BSN: variants seen among roughly 807,000 people sequenced by gnomAD.
BSN encodes protein bassoon.
In BSN, 57 loss-of-function variants were observed where a neutral mutation model predicts 264.8. That is an observed-to-expected ratio of 0.22 (90% CI 0.17 to 0.27). The LOEUF is 0.27. Ranked by LOEUF, BSN falls within the 10% of genes least tolerant of loss-of-function variation. BSN has a pLI of 1.00. For missense variants in BSN, 4,615 were observed against 5,232.5 expected (o/e 0.88, Z 3.64); for synonymous variants, 2,059 against 2,137.3 (o/e 0.96, Z 1.01).
rs1202449399 is a variant in BSN at position 49,669,698 on chromosome 3, T to C, written c.*2213T>C. The C allele has an allele frequency of 6.6e-6, 1 of 152,230 alleles. No homozygotes were observed. The highest frequency in any genetic ancestry group is 2.4e-5 in the African/African-American group (1 of 41,452). 9.4% of individuals were successfully genotyped at this position (152,230 alleles called of 1,614,324 possible). ...CCTTTGGCACTTGTGGTGAGAACAG[T>C]TGACAGTGGTCATCTGGAACTGTTC... On this transcript the variant is annotated 3_prime_UTR_variant, in exon 12 of 12. Transcript: ENST00000296452.
chr3:49,583,755 T>A (rs1166173381), intron 1 of BSN, among the ~76,000 whole-genome samples: 1 of 152,208 alleles, frequency 6.6e-6, no homozygotes, highest in African/African-American at 2.4e-5. Context: ...TCTATTCCGA[T>A]TTTTCATTTC....
intron 1 of BSN, among the ~76,000 whole-genome samples, chr3:49,569,830 C>G (rs1387637898): frequency 2.6e-5 from 4 of 152,138 alleles, no homozygotes; most frequent in Non-Finnish European, 5.9e-5. Flanking sequence ...CACTCCTGTT[C>G]AGTAAACTTC....
intron 1 of BSN, among the ~76,000 whole-genome samples, chr3:49,600,395 G>C (rs567644168): frequency 3.3e-4 from 51 of 152,282 alleles, no homozygotes; most frequent in African/African-American, 1.2e-3. Context: ...AGGGATTTCC[G>C]TACATGAGGT....
chr3:49,591,625 TCTCA>T (rs2051978417), intron 1 of BSN, among the ~76,000 whole-genome samples: 1 of 152,096 alleles, frequency 6.6e-6, no homozygotes, highest in Non-Finnish European at 1.5e-5. Context: ...TGAGGCAGGG[TCTCA>T]CTCTGTCACC....
intron 1 of BSN, among the ~76,000 whole-genome samples, chr3:49,576,483 C>T (rs1168947205): frequency 8.6e-5 from 13 of 150,964 alleles, no homozygotes; most frequent in Non-Finnish European, 1.6e-4. Flanking sequence ...TGCAGTGGCA[C>T]GATCTCAGCT....
At position 49,604,300 on chromosome 3, in the gene BSN, C is replaced by A. The variant is rs114480304; in HGVS notation, c.225-20675C>A. Among the ~76,000 whole-genome samples, 1,187 of 152,196 alleles carry A rather than the reference C, an allele frequency of 7.8e-3. 18 individuals carry two copies. The highest frequency in any genetic ancestry group is 0.026 in the African/African-American group (1,086 of 41,520). Reference sequence around the variant, plus strand: ...TACATTCACATTGTTGTTTAGCCATCACCACCATCCATCTCCAGAACTTTT... The same window carrying A: ...TACATTCACATTGTTGTTTAGCCATAACCACCATCCATCTCCAGAACTTTT... On this transcript the variant is annotated intron_variant, in intron 1 of 11. Transcript: ENST00000296452.
chr3:49,554,924 G>A, intron 1 of BSN, 98 bp downstream of exon 1: 3 of 730,114 alleles, frequency 4.1e-6, no homozygotes, highest in Non-Finnish European at 5.4e-6. Flanking sequence ...AGCGAGGTTC[G>A]ACGTCCGGCC....
At chr3:49,632,423 T>C (rs2052389549) in intron 2 of BSN, among the ~76,000 whole-genome samples, 1 of 152,234 alleles carries the variant, frequency 6.6e-6, no homozygotes, top group African/African-American at 2.4e-5. Flanking sequence ...TTGCTAATTA[T>C]ATATTTGATA....
intron 1 of BSN, among the ~76,000 whole-genome samples, chr3:49,621,615 G>A (rs568016483): frequency 6.6e-6 from 1 of 152,300 alleles, no homozygotes; most frequent in East Asian, 1.9e-4. Flanking sequence ...CCTACTGACT[G>A]TGACCTGAGT....
At chr3:49,619,110 TG>T (rs2052283222) in intron 1 of BSN, among the ~76,000 whole-genome samples, 1 of 152,168 alleles carries the variant, frequency 6.6e-6, no homozygotes, top group Admixed American at 6.5e-5. Context: ...AATGAATGAA[TG>T]AATAAATATC....
rs1190719948 is a variant in BSN at position 49,651,326 on chromosome 3, T to C, written c.1987-217T>C. The C allele has an allele frequency of 1.6e-6, 1 of 637,010 alleles. No individual in the cohort carries two copies. Among genetic ancestry groups the C allele is most frequent in the Non-Finnish European group, 2.6e-6 (1 of 383,314 alleles). The allele number at this position is 637,010 out of a possible 1,614,324, so 39.5% of individuals were successfully genotyped here. A position where few individuals can be genotyped will look rare whatever the true frequency, so the allele number is the denominator to read the frequency against. ...TGCTGGGTTTTGATACCCTTTGATC[T>C]AGTAAAGTTTCTCTTTGAAGACCAA... On this transcript the variant is annotated intron_variant, in intron 4 of 11. Coordinates refer to ENST00000296452, the MANE Select transcript of BSN (RefSeq NM_003458.4). This position sits in a 1 kb window ranked among gnomAD's most constrained non-coding sequence, Gnocchi z 5.4.
At chr3:49,555,249 G>A (rs914385630) in intron 1 of BSN, among the ~76,000 whole-genome samples, 4 of 152,220 alleles carry the variant, frequency 2.6e-5, no homozygotes, top group African/African-American at 9.6e-5. Context: ...GGGAGTGGCT[G>A]TCAGGGAAGA....
Position 49,670,160 on chromosome 3 carries a change from A to G in BSN, c.*2675A>G, listed in dbSNP as rs2052744862. ...CCATGGAATACCTGCCTCATCCCAA[A>G]GATCAGGTATGGGCTGAATGCAGCC... On this transcript the variant is annotated 3_prime_UTR_variant, in exon 12 of 12. Transcript: ENST00000296452. 1 of 152,536 alleles carries G rather than the reference A, an allele frequency of 6.6e-6. No individual in the cohort carries two copies. The allele number at this position is 152,536 out of a possible 1,614,324, so 9.4% of individuals were successfully genotyped here. A position where few individuals can be genotyped will look rare whatever the true frequency, so the allele number is the denominator to read the frequency against.
At chr3:49,602,737 A>C (rs1419316283) in intron 1 of BSN, among the ~76,000 whole-genome samples, 1 of 152,144 alleles carries the variant, frequency 6.6e-6, no homozygotes, top group Non-Finnish European at 1.5e-5. Context: ...GAGCCACTGC[A>C]GCTGGCCCTC....
intron 1 of BSN, among the ~76,000 whole-genome samples, chr3:49,594,474 A>G (rs777681731): frequency 3.3e-5 from 5 of 152,200 alleles, no homozygotes; most frequent in Non-Finnish European, 1.5e-5. Flanking sequence ...TAAAGAATCA[A>G]TTTAGTATAG....
intron 11 of BSN, among the ~76,000 whole-genome samples, chr3:49,666,574 C>T (rs952621723): frequency 1.3e-5 from 2 of 152,172 alleles, no homozygotes; most frequent in African/African-American, 4.8e-5. Context: ...GCTATGGAAG[C>T]AGTGGGGTCT....
intron 1 of BSN, among the ~76,000 whole-genome samples, chr3:49,576,980 A>T (rs1173206393): frequency 6.6e-6 from 1 of 152,116 alleles, no homozygotes; most frequent in African/African-American, 2.4e-5. Context: ...CTCTTCTCCA[A>T]AGGTTTTGGT....
intron 2 of BSN, among the ~76,000 whole-genome samples, chr3:49,629,930 C>T (rs935643162): frequency 2.0e-5 from 3 of 152,264 alleles, no homozygotes; most frequent in Non-Finnish European, 4.4e-5. Flanking sequence ...TTAACCCATA[C>T]CATCCCCAAC....
chr3:49,592,887 T>A (rs938893060), intron 1 of BSN, among the ~76,000 whole-genome samples: 5 of 152,184 alleles, frequency 3.3e-5, no homozygotes, highest in Admixed American at 1.3e-4. Flanking sequence ...TTTCTCAGAT[T>A]TTTCTAGTTT....
Sources: allele counts gnomAD v4.1 joint callset (sites outside exome capture counted in the v4.1 genomes callset), GRCh38; gene constraint gnomAD v4.1.1; non-coding constraint Gnocchi (gnomAD v3.1); transcripts MANE v1.5; gene names NCBI Gene and HGNC (gene_info 2026-07-23, HGNC 2026-07-21).